Variants in THSD7B observed in about 807,000 individuals in gnomAD.
The protein encoded by THSD7B is thrombospondin type-1 domain-containing protein 7B.
In THSD7B, 138 loss-of-function variants were observed where a neutral mutation model predicts 213.6. The ratio of observed to expected loss-of-function variants is 0.65; its 90% CI spans 0.56 to 0.74. THSD7B has a LOEUF of 0.74. THSD7B is among the 30% of genes least tolerant of loss of function. The probability of loss-of-function intolerance (pLI) is 0.00; values close to 1 mark genes in which losing one functional copy is unlikely to be tolerated. For missense variants in THSD7B, 1,931 were observed against 1,991.5 expected (o/e 0.97, Z 0.58); for synonymous variants, 742 against 687.0 (o/e 1.08, Z -1.25).
At chr2:137,016,180 G>C (rs921463671) in intron 2 of THSD7B, among the ~76,000 whole-genome samples, 2 of 152,076 alleles carry the variant, frequency 1.3e-5, no homozygotes, top group African/African-American at 4.8e-5. Context: ...TGAGGCTTGG[G>C]GGGTGAGGTG....
intron 2 of THSD7B, among the ~76,000 whole-genome samples, chr2:136,893,561 A>G (rs1683901353): frequency 6.6e-6 from 1 of 152,182 alleles, no homozygotes. Flanking sequence ...TAAAGACTGA[A>G]CAACAGTACT....
chr2:137,307,349 A>G (rs907849157), intron 12 of THSD7B, among the ~76,000 whole-genome samples: 1 of 152,102 alleles, frequency 6.6e-6, no homozygotes, highest in African/African-American at 2.4e-5. Flanking sequence ...CAGCCCGCCC[A>G]GAATGAGAGG....
chr2:136,997,084 A>T lies in THSD7B; in HGVS notation c.140-59336A>T, dbSNP rs879593755. On this transcript the variant is annotated intron_variant, in intron 2 of 27. Transcript: ENST00000409968. ...CTCTTTCCATCCTGGATTTTCTTAC[A>T]TTACCACCAAATTAGTCCCAGTAAC... 3.9e-5 allele frequency among the ~76,000 whole-genome samples: 6 copies of T among 152,218 alleles called. No homozygotes were observed. The East Asian group carries it at 1.2e-3, about 29-fold the overall frequency.
At chr2:136,977,807 T>TG (rs1685507409) in intron 2 of THSD7B, among the ~76,000 whole-genome samples, 1 of 53,380 alleles carries the variant, frequency 1.9e-5, no homozygotes, top group Admixed American at 1.9e-4. Context: ...CTTTGTTTTT[T>TG]TTTTTTTTTT....
At chr2:137,062,059 T>C (rs915017522) in intron 3 of THSD7B, among the ~76,000 whole-genome samples, 14 of 151,890 alleles carry the variant, frequency 9.2e-5, no homozygotes, top group East Asian at 5.8e-4. Flanking sequence ...GATTTCTCTT[T>C]GTGTGTTTTG....
intron 4 of THSD7B, among the ~76,000 whole-genome samples, chr2:137,109,477 A>C (rs1171692401): frequency 6.6e-6 from 1 of 152,200 alleles, no homozygotes; most frequent in Non-Finnish European, 1.5e-5. Flanking sequence ...ATAATGAAAT[A>C]ATTATACAAC....
intron 17 of THSD7B, among the ~76,000 whole-genome samples, chr2:137,583,493 T>C (rs1681634162): frequency 6.6e-6 from 1 of 152,228 alleles, no homozygotes; most frequent in African/African-American, 2.4e-5. Context: ...AAGTCTTAAA[T>C]CCATCTTGAA....
intron 2 of THSD7B, among the ~76,000 whole-genome samples, chr2:136,922,716 A>G (rs1684455625): frequency 6.6e-6 from 1 of 152,220 alleles, no homozygotes; most frequent in Admixed American, 6.5e-5. Context: ...ATAAAACCCC[A>G]TAAAATAAAA....
At chr2:137,412,040 G>A (rs767485922) in intron 14 of THSD7B, 168 bp downstream of exon 14, 230 of 764,030 alleles carry the variant, frequency 3.0e-4, no homozygotes, top group Non-Finnish European at 3.9e-4. Context: ...GCATACATCT[G>A]TATCTCAATG....
At chr2:137,287,635 A>G (rs1478368975) in intron 12 of THSD7B, among the ~76,000 whole-genome samples, 3 of 152,132 alleles carry the variant, frequency 2.0e-5, no homozygotes, top group Non-Finnish European at 4.4e-5. Flanking sequence ...AGATTCAGAG[A>G]TGCTGTCCTG....
intron 7 of THSD7B, among the ~76,000 whole-genome samples, chr2:137,189,643 C>T (rs979890727): frequency 4.0e-5 from 6 of 151,858 alleles, no homozygotes; most frequent in African/African-American, 1.5e-4. Context: ...CTGGTCACTT[C>T]GTACCCGTCT....
intron 1 of THSD7B, among the ~76,000 whole-genome samples, chr2:136,844,184 TAGAG>T (rs1553452583): frequency 6.6e-6 from 1 of 152,062 alleles, no homozygotes; most frequent in Non-Finnish European, 1.5e-5. Flanking sequence ...GAGACCTAAA[TAGAG>T]AGAATTTAAC....
In THSD7B at chr2:137,160,276, A is replaced by T. The variant is rs200929460; in HGVS notation, c.1433A>T (p.Asn478Ile). 45 of 1,613,604 alleles carry T rather than the reference A, an allele frequency of 2.8e-5. No individual in the cohort carries two copies. Among genetic ancestry groups the T allele is most frequent in the East Asian group, 4.5e-5 (2 of 44,850 alleles). The change falls in exon 6 of 28, where the codon AAT (asparagine) becomes ATT (isoleucine). Residue 478 changes from asparagine to isoleucine, a missense_variant. Coordinates refer to ENST00000409968, the MANE Select transcript of THSD7B (RefSeq NM_001316349.2). ...GCCCCGTTGCCCTCTCAGCTCTGCAATATCCCTTGCTCTACGGACTGCATA... is the reference window on the plus strand; with the variant it reads ...GCCCCGTTGCCCTCTCAGCTCTGCATTATCCCTTGCTCTACGGACTGCATA... ...GPAPLPSQLC[N>I]IPCSTDCIVS...
intron 3 of THSD7B, among the ~76,000 whole-genome samples, chr2:137,079,659 G>A (rs910393489): frequency 1.3e-5 from 2 of 152,146 alleles, no homozygotes; most frequent in Non-Finnish European, 2.9e-5. Flanking sequence ...TTACCTTTAT[G>A]TGTCAGTGTA....
chr2:137,297,713 C>G (rs1172792672), intron 12 of THSD7B, among the ~76,000 whole-genome samples: 2 of 152,036 alleles, frequency 1.3e-5, no homozygotes, highest in Non-Finnish European at 2.9e-5. Context: ...GTGCTATTCT[C>G]CTGGTGGTGA....
At chr2:136,772,299 G>A (rs1010138304) in intron 1 of THSD7B, among the ~76,000 whole-genome samples, 1 of 152,116 alleles carries the variant, frequency 6.6e-6, no homozygotes, top group Admixed American at 6.5e-5. Flanking sequence ...GGAGATGACT[G>A]ACAGGAAGAA....
chr2:137,271,422 ATTATAT>A (rs1682733015), intron 10 of THSD7B, among the ~76,000 whole-genome samples: 2 of 137,050 alleles, frequency 1.5e-5, no homozygotes, highest in African/African-American at 5.7e-5. Flanking sequence ...ATAATATATA[ATTATAT>A]AATATATATA....
At chr2:137,266,410 C>G (rs536361938) in intron 10 of THSD7B, among the ~76,000 whole-genome samples, 1 of 152,142 alleles carries the variant, frequency 6.6e-6, no homozygotes, top group Non-Finnish European at 1.5e-5. Context: ...TTGGTGTCAT[C>G]CTTTTGCTTC....
At chr2:137,365,938 A>T (rs1175103934) in intron 12 of THSD7B, among the ~76,000 whole-genome samples, 3 of 152,206 alleles carry the variant, frequency 2.0e-5, no homozygotes, top group Admixed American at 6.5e-5. Flanking sequence ...AGACACATGG[A>T]CATGTATGTT....
Sources: gnomAD v4.1 joint callset for allele counts (sites outside exome capture counted in the v4.1 genomes callset) on GRCh38, gnomAD v4.1.1 for gene constraint, MANE v1.5 for transcripts, NCBI Gene and HGNC (gene_info 2026-07-23, HGNC 2026-07-21) for gene names.